The following LARS2 variants were observed in gnomAD, a reference collection of about 807,000 sequenced individuals.
LARS2 encodes the protein leucyl-tRNA synthetase 2, mitochondrial.
Under a neutral mutation model 116.6 loss-of-function variants are expected in LARS2, and 81 were observed. The ratio of observed to expected loss-of-function variants is 0.69; its 90% CI spans 0.58 to 0.84. The LOEUF (loss-of-function observed/expected upper bound fraction) is 0.84, where lower values mean the gene tolerates loss of function less well. Ranked by LOEUF, LARS2 falls within the 40% of genes least tolerant of loss-of-function variation. The pLI, the probability that LARS2 is intolerant of heterozygous loss-of-function variation, is 0.00. For missense variants in LARS2, 968 were observed against 1,114.5 expected (o/e 0.87, Z 1.87); for synonymous variants, 396 against 407.2 (o/e 0.97, Z 0.33).
intron 4 of LARS2, among the ~76,000 whole-genome samples, chr3:45,409,728 C>T (rs942648754): frequency 6.6e-6 from 1 of 152,124 alleles, no homozygotes; most frequent in African/African-American, 2.4e-5. Context: ...AAATTTGGCT[C>T]ACAGAGACAT....
chr3:45,482,490 G>A (rs1440571069), intron 10 of LARS2, among the ~76,000 whole-genome samples: 3 of 152,264 alleles, frequency 2.0e-5, no homozygotes, highest in African/African-American at 4.8e-5. Context: ...AATGATGTAT[G>A]CATTTCACAG....
intron 15 of LARS2, among the ~76,000 whole-genome samples, chr3:45,506,671 G>A (rs909825778): frequency 1.3e-5 from 2 of 152,030 alleles, no homozygotes; most frequent in African/African-American, 2.4e-5. Flanking sequence ...TCCATGTTCA[G>A]TGGTGCCCCT....
At chr3:45,465,052 T>A (rs1699397578) in intron 8 of LARS2, among the ~76,000 whole-genome samples, 1 of 152,018 alleles carries the variant, frequency 6.6e-6, no homozygotes, top group African/African-American at 2.4e-5. Flanking sequence ...TCTGGACCCC[T>A]ATTCTCAGAC....
Position 45,474,259 on chromosome 3 carries a change from T to C in LARS2, c.767T>C (p.Leu256Ser), listed in dbSNP as rs777607966. The C allele has an allele frequency of 1.2e-6, 2 of 1,610,420 alleles. No individual in the cohort carries two copies. Among genetic ancestry groups the C allele is most frequent in the Non-Finnish European group, 1.7e-6 (2 of 1,177,206 alleles). Reference protein sequence around the residue: ...TAYAKAMQDALADLPEWYGIK... With the variant: ...TAYAKAMQDASADLPEWYGIK... ...TTTGCACAGGCCATGCAGGACGCGT[T>C]GGCAGACCTTCCAGAATGGTATGGA... The change falls in exon 9 of 22, where the codon TTG becomes TCG. Residue 256 changes from leucine (L) to serine (S), a missense_variant. Transcript: ENST00000645846.
intron 12 of LARS2, among the ~76,000 whole-genome samples, chr3:45,490,291 C>T (rs1208721695): frequency 2.0e-5 from 3 of 152,218 alleles, no homozygotes; most frequent in Admixed American, 2.0e-4. Flanking sequence ...AATTAGGCTT[C>T]TGAAGTGCCT....
At chr3:45,403,112 C>CAAAAAAA (rs1160287597) in intron 4 of LARS2, among the ~76,000 whole-genome samples, 517 of 84,490 alleles carry the variant, frequency 6.1e-3, no homozygotes, top group East Asian at 7.6e-3. Context: ...TCTCCAAAGA[C>CAAAAAAA]AAAAAAAAAA....
intron 6 of LARS2, chr3:45,422,077 C>CT (rs1698522389): frequency 1.3e-5 from 2 of 152,134 alleles, no homozygotes; most frequent in Non-Finnish European, 2.9e-5. Flanking sequence ...TTATTATTTC[C>CT]TTAAAATGAA....
intron 21 of LARS2, 85 bp downstream of exon 21, chr3:45,542,041 A>G (rs1285756362): frequency 1.5e-5 from 23 of 1,532,052 alleles, no homozygotes; most frequent in Non-Finnish European, 2.0e-5. Flanking sequence ...TGAGAGGTCT[A>G]TTAGCAGGCC....
intron 16 of LARS2, 93 bp from the exon 17 acceptor site, chr3:45,516,001 C>A: frequency 1.1e-6 from 1 of 931,552 alleles, no homozygotes; most frequent in Non-Finnish European, 1.6e-6. Flanking sequence ...GGACACTTTC[C>A]ATCGCTCACC....
At chr3:45,469,787 C>CT (rs1165167923) in intron 8 of LARS2, among the ~76,000 whole-genome samples, 1 of 151,912 alleles carries the variant, frequency 6.6e-6, no homozygotes, top group Non-Finnish European at 1.5e-5. Flanking sequence ...ATTGGTTTTC[C>CT]TTTTTTAGAA....
intron 13 of LARS2, among the ~76,000 whole-genome samples, chr3:45,494,661 G>A (rs150891888): frequency 2.0e-5 from 3 of 152,284 alleles, no homozygotes; most frequent in African/African-American, 2.4e-5. Flanking sequence ...GCTAATCCCC[G>A]TCCTGTGCTA....
At chr3:45,430,033 A>G (rs1379649467) in intron 6 of LARS2, among the ~76,000 whole-genome samples, 2 of 24,528 alleles carry the variant, frequency 8.2e-5, no homozygotes, top group Non-Finnish European at 1.7e-4. Context: ...TTTTTTTGAG[A>G]CAGAGTCTTG....
Position 45,500,588 on chromosome 3 carries a change from T to G in LARS2, c.1760+9T>G. The G allele has an allele frequency of 6.5e-7, 1 of 1,539,418 alleles. No individual in the cohort carries two copies. The highest frequency in any genetic ancestry group is 1.3e-5 in the South Asian group (1 of 79,288). ...AAAATGGTTAAACATAGGTAAGCAC[T>G]TATACTGCTTTGCAAAATAATTGAG... is the stretch of plus-strand genomic sequence containing the variant. On this transcript the variant is annotated intron_variant, in intron 15 of 21. Coordinates refer to ENST00000645846, the MANE Select transcript of LARS2 (RefSeq NM_015340.4).
intron 15 of LARS2, among the ~76,000 whole-genome samples, chr3:45,511,006 C>G (rs555621366): frequency 6.6e-6 from 1 of 152,134 alleles, no homozygotes; most frequent in Non-Finnish European, 1.5e-5. Context: ...TTATATGGTA[C>G]GAAGAAGAAT....
At chr3:45,422,231 T>G (rs1698525269) in intron 6 of LARS2, 2 of 152,234 alleles carry the variant, frequency 1.3e-5, no homozygotes, top group Admixed American at 6.5e-5. Flanking sequence ...TTTTCATGTG[T>G]TTAATGAATG....
chr3:45,450,855 T>TA (rs1699116480), intron 7 of LARS2, among the ~76,000 whole-genome samples: 1 of 152,254 alleles, frequency 6.6e-6, no homozygotes, highest in Non-Finnish European at 1.5e-5. Context: ...CAGCATCTGT[T>TA]ACTCCATCTT....
rs1351359422 is a variant in LARS2, at chr3:45,391,652, G to A, written c.-22+4G>A. ...TTACTCCGGCTTATGATTTGAGGTGGGGCTCTAATTTTAAGTTTTTCTCTT... is the reference window on the plus strand; with the variant it reads ...TTACTCCGGCTTATGATTTGAGGTGAGGCTCTAATTTTAAGTTTTTCTCTT... On this transcript the variant is annotated splice_donor_region_variant and intron_variant, in intron 2 of 21. Transcript: ENST00000645846. The A allele has an allele frequency of 3.3e-5, 5 of 151,920 alleles. No individual in the cohort carries two copies. The East Asian group carries it at 7.7e-4, about 23-fold the overall frequency. The allele number at this position is 151,920 out of a possible 1,614,324, so 9.4% of individuals were successfully genotyped here. A position where few individuals can be genotyped will look rare whatever the true frequency, so the allele number is the denominator to read the frequency against.
At chr3:45,523,100 T>C (rs267221) in intron 19 of LARS2, among the ~76,000 whole-genome samples, 121,859 of 152,138 alleles carry the variant, frequency 0.8, 52,899 homozygotes, top group East Asian at 0.98. Flanking sequence ...TGTGTGTTAG[T>C]TTTTTAATCA....
intron 4 of LARS2, among the ~76,000 whole-genome samples, chr3:45,408,492 C>T (rs568857200): frequency 6.6e-6 from 1 of 152,330 alleles, no homozygotes; most frequent in African/African-American, 2.4e-5. Flanking sequence ...TTTTGTACGG[C>T]AGAAGGGCTG....
Sources: allele counts gnomAD v4.1 joint callset (sites outside exome capture counted in the v4.1 genomes callset), GRCh38; gene constraint gnomAD v4.1.1; transcripts MANE v1.5; gene names NCBI Gene and HGNC (gene_info 2026-07-23, HGNC 2026-07-21).